The following CAPN13 variants were observed in gnomAD, a reference collection of about 807,000 sequenced individuals.
CAPN13 encodes the protein calpain-13.
A neutral mutation model predicts 98.4 loss-of-function variants in CAPN13; 90 were observed. That is an observed-to-expected ratio of 0.92 (90% CI 0.77 to 1.09). The LOEUF is 1.09. Among genes scored for constraint, CAPN13 ranks in the 50% least tolerant of loss-of-function variants. CAPN13 has a pLI of 0.00. For synonymous variants in CAPN13, 330 were observed against 305.5 expected (o/e 1.08, Z -0.84); for missense variants, 887 against 841.3 (o/e 1.05, Z -0.67).
chr2:30,751,246 G>T lies in CAPN13; in HGVS notation c.1093C>A (p.Pro365Thr). The change falls in exon 11 of 23, where the codon CCT becomes ACT. Residue 365 changes from proline (P) to threonine (T), a missense_variant. Coordinates refer to ENST00000295055, the MANE Select transcript of CAPN13 (RefSeq NM_144575.3). ...AAGTTGAATTGAGCATCATTCCGAG[G>T]TCCTCCTGCATCAGAAAGAGCTGTT... Reference protein sequence around the residue: ...QVILGNTAGGPRNDAQFNFSV... With the variant: ...QVILGNTAGGTRNDAQFNFSV... 1.2e-6 allele frequency: 2 copies of T among 1,613,738 alleles called. No homozygotes were observed. Among genetic ancestry groups the T allele is most frequent in the Admixed American group, 1.7e-5 (1 of 60,002 alleles).
intron 3 of CAPN13, 32 bp downstream of exon 3, chr2:30,777,535 C>T: frequency 6.5e-7 from 1 of 1,543,658 alleles, no homozygotes. Flanking sequence ...ACTTCCTATC[C>T]AGGGCACGGA....
chr2:30,754,465 G>T, intron 8 of CAPN13, 101 bp from the exon 9 acceptor site: 1 of 889,968 alleles, frequency 1.1e-6, no homozygotes, highest in Non-Finnish European at 1.6e-6. Flanking sequence ...CACCATTCCT[G>T]GGGAGCACAG....
intron 12 of CAPN13, 29 bp downstream of exon 12, chr2:30,745,694 C>G: frequency 6.3e-7 from 1 of 1,595,864 alleles, no homozygotes; most frequent in Non-Finnish European, 8.5e-7. Flanking sequence ...GCAGCAGAGG[C>G]GCAGGGCAAG....
At chr2:30,807,143 A>G (rs1378041410) in intron 1 of CAPN13, among the ~76,000 whole-genome samples, 159 bp downstream of exon 1, 1 of 152,342 alleles carries the variant, frequency 6.6e-6, no homozygotes, top group East Asian at 1.9e-4. Flanking sequence ...GACCACCTGC[A>G]TCAAAAAAAC....
intron 11 of CAPN13, among the ~76,000 whole-genome samples, chr2:30,749,472 C>T (rs1572812158): frequency 6.6e-6 from 1 of 152,186 alleles, no homozygotes; most frequent in South Asian, 2.1e-4. Context: ...ACCCAGGAGC[C>T]GTGTCTGTCC....
At chr2:30,770,197 G>T in intron 5 of CAPN13, 116 bp downstream of exon 5, 1 of 1,381,606 alleles carries the variant, frequency 7.2e-7, no homozygotes, top group Non-Finnish European at 9.9e-7. Flanking sequence ...GATTGTTTAT[G>T]GAGATGCCCA....
chr2:30,757,296 T>A (rs1431293290), intron 8 of CAPN13, among the ~76,000 whole-genome samples: 1 of 152,204 alleles, frequency 6.6e-6, no homozygotes, highest in Non-Finnish European at 1.5e-5. Context: ...GTCTCTTTCA[T>A]AGTCAGCAAG....
At chr2:30,795,997 C>CT (rs1442784417) in intron 1 of CAPN13, among the ~76,000 whole-genome samples, 1 of 151,532 alleles carries the variant, frequency 6.6e-6, no homozygotes, top group East Asian at 1.9e-4. Context: ...CAGAGAAATA[C>CT]TTTGAGTACT....
intron 7 of CAPN13, among the ~76,000 whole-genome samples, chr2:30,759,971 T>C (rs1295303213): frequency 1.3e-5 from 2 of 152,162 alleles, no homozygotes; most frequent in African/African-American, 4.8e-5. Context: ...CCCTGGCCAG[T>C]ACCTCAGCAG....
At chr2:30,800,545 G>A (rs912081483) in intron 1 of CAPN13, among the ~76,000 whole-genome samples, 1 of 152,140 alleles carries the variant, frequency 6.6e-6, no homozygotes, top group East Asian at 1.9e-4. Flanking sequence ...TGGGCACGTC[G>A]CTCCCTCCCC....
At chr2:30,724,778 A>G (rs7581905) in intron 22 of CAPN13, among the ~76,000 whole-genome samples, 2,099 of 152,340 alleles carry the variant, frequency 0.014, 51 homozygotes, top group African/African-American at 0.046. Context: ...TGACAGTTCC[A>G]TCTGCCCTGG....
intron 11 of CAPN13, among the ~76,000 whole-genome samples, chr2:30,746,243 T>A (rs1297694732): frequency 6.6e-6 from 1 of 152,098 alleles, no homozygotes; most frequent in East Asian, 1.9e-4. Flanking sequence ...TCTAACAAGA[T>A]GAAGTAAAGA....
intron 7 of CAPN13, among the ~76,000 whole-genome samples, chr2:30,758,877 C>T (rs1672633785): frequency 7.0e-6 from 1 of 142,972 alleles, no homozygotes; most frequent in South Asian, 2.4e-4. Context: ...TCAGTCCCTT[C>T]CTACCCTCCT....
intron 15 of CAPN13, among the ~76,000 whole-genome samples, chr2:30,740,082 GTTTTTT>G (rs143581068): frequency 8.2e-6 from 1 of 121,406 alleles, no homozygotes; most frequent in Non-Finnish European, 1.7e-5. Flanking sequence ...ATTGTATTAG[GTTTTTT>G]TTTTTTTTTT....
Position 30,751,108 on chromosome 2 carries a change from T to C in CAPN13, c.1231A>G (p.Ile411Val). Residue 411 changes from isoleucine (I) to valine (V), a missense_variant, in exon 11 of 23, where the codon ATT becomes GTT. Transcript: ENST00000295055. ...DAKFPLDFQVILAGSQRFREK... is the reference protein window; with the variant it reads ...DAKFPLDFQVVLAGSQRFREK... ...CCTGAAGCAGGCTGCCTTACCAGAATCACTTGGAAATCGAGTGGAAATTTT... is the reference window on the plus strand; with the variant it reads ...CCTGAAGCAGGCTGCCTTACCAGAACCACTTGGAAATCGAGTGGAAATTTT... 1 of 1,613,620 alleles carries C rather than the reference T, an allele frequency of 6.2e-7. No homozygotes were observed. The highest frequency in any genetic ancestry group is 1.1e-5 in the South Asian group (1 of 90,962).
chr2:30,725,345 G>A (rs1271226566), intron 22 of CAPN13, among the ~76,000 whole-genome samples: 1 of 152,206 alleles, frequency 6.6e-6, no homozygotes, highest in African/African-American at 2.4e-5. Flanking sequence ...TGGGAAGAGA[G>A]GAAGAGGAGT....
At chr2:30,778,694 C>T (rs967001145) in intron 2 of CAPN13, among the ~76,000 whole-genome samples, 4 of 152,104 alleles carry the variant, frequency 2.6e-5, no homozygotes, top group South Asian at 2.1e-4. Context: ...AAGGGGAAAA[C>T]GAAGGTGTGC....
Position 30,787,160 on chromosome 2 carries a change from GT to G in CAPN13, c.165del (p.Lys55AsnfsTer6), listed in dbSNP as rs749401396. On this transcript the variant is annotated frameshift_variant, in exon 2 of 23. Transcript: ENST00000295055. LOFTEE classifies it high-confidence loss of function. ...SSIGQKLLQE[K>X]RLSNVIWKRP... ...CGCTTCCATATCACATTGGAGAGGC[GT>G]TTTTCCTGGAGCAGCTTCTGGCCTA... The G allele has an allele frequency of 6.3e-7, 1 of 1,579,768 alleles. No individual in the cohort carries two copies. The highest frequency in any genetic ancestry group is 8.6e-7 in the Non-Finnish European group (1 of 1,162,486).
At chr2:30,775,831 A>G (rs1673658079) in intron 4 of CAPN13, 99 bp downstream of exon 4, 2 of 700,980 alleles carry the variant, frequency 2.9e-6, no homozygotes, top group Non-Finnish European at 4.4e-6. Context: ...TGTCACTTTC[A>G]TCTCAGGCTT....
Sources: allele counts gnomAD v4.1 joint callset (sites outside exome capture counted in the v4.1 genomes callset), GRCh38; gene constraint gnomAD v4.1.1; transcripts MANE v1.5; gene names NCBI Gene and HGNC (gene_info 2026-07-23, HGNC 2026-07-21).